The following RIC3 variants were observed in gnomAD, a reference collection of about 807,000 sequenced individuals.
The protein encoded by RIC3 is RIC3 acetylcholine receptor chaperone.
In RIC3, 28 loss-of-function variants were observed where a neutral mutation model predicts 27.3. The ratio of observed to expected loss-of-function variants is 1.02; its 90% CI spans 0.76 to 1.41. RIC3 has a LOEUF of 1.41. Ranked by LOEUF, RIC3 falls within the 40% of genes most tolerant of loss-of-function variation. RIC3 has a pLI of 0.00. For missense variants in RIC3, 501 were observed against 444.7 expected, an observed-to-expected ratio of 1.13 and a Z score of -1.14; for synonymous variants, 184 against 160.4, an observed-to-expected ratio of 1.15 and a Z score of -1.11.
intron 1 of RIC3, among the ~76,000 whole-genome samples, chr11:8,150,014 C>T (rs1950075635): frequency 6.6e-6 from 1 of 152,224 alleles, no homozygotes; most frequent in Non-Finnish European, 1.5e-5. Context: ...ACTCCACTCT[C>T]TGACCACGCT....
rs376042855 is a variant in RIC3, at chr11:8,106,308, C to T, written c.*4390G>A. 5 of 152,080 alleles carry T rather than the reference C, an allele frequency of 3.3e-5. No homozygotes were observed. Among genetic ancestry groups the T allele is most frequent in the African/African-American group, 1.2e-4 (5 of 41,408 alleles). The allele number at this position is 152,080 out of a possible 1,614,324, so 9.4% of individuals were successfully genotyped here. On this transcript the variant is annotated 3_prime_UTR_variant, in exon 6 of 6. Coordinates refer to ENST00000309737, the MANE Select transcript of RIC3 (RefSeq NM_001206671.4). The stretch of plus-strand genomic sequence containing the variant: ...TTTACTTCCTAATTTTTTTCTATAC[C>T]TTTCATTCATTGTTTCCTAGGAGCC...
intron 4 of RIC3, chr11:8,135,948 T>C (rs545711369): frequency 2.6e-5 from 4 of 152,346 alleles, no homozygotes; most frequent in African/African-American, 9.6e-5. Flanking sequence ...ATAAAGCATT[T>C]AGTTCAGAGT....
chr11:8,110,608 GA>G lies in RIC3; in HGVS notation c.*89del. On this transcript the variant is annotated 3_prime_UTR_variant, in exon 6 of 6. Transcript: ENST00000309737. ...AGCTATGACACTTGAACACAGTGAAGAAAGTGCAGGGCACAGGGCCAAGAAG... is the reference window on the plus strand; with the variant it reads ...AGCTATGACACTTGAACACAGTGAAGAAGTGCAGGGCACAGGGCCAAGAAG... 1 of 1,147,536 alleles carries G rather than the reference GA, an allele frequency of 8.7e-7. No individual in the cohort carries two copies. The highest frequency in any genetic ancestry group is 1.7e-5 in the Admixed American group (1 of 59,302). 71.1% of individuals were successfully genotyped at this position (1,147,536 alleles called of 1,614,324 possible).
chr11:8,117,640 T>C (rs1476665253), intron 5 of RIC3, among the ~76,000 whole-genome samples: 1 of 152,180 alleles, frequency 6.6e-6, no homozygotes, highest in East Asian at 1.9e-4. Context: ...ATACAGACTA[T>C]AGTTAATAAC....
the RIC3 span, chr11:8,097,807 A>G: frequency 2.5e-6 from 4 of 1,613,826 alleles, no homozygotes; most frequent in South Asian, 4.4e-5. Context: ...AGGAGGGGAC[A>G]GCTATATCGG....
rs1945105189 is a variant in RIC3 at position 8,110,391 on chromosome 11, C to T, written c.*307G>A. 1 of 443,694 alleles carries T rather than the reference C, an allele frequency of 2.3e-6. No individual in the cohort carries two copies. The highest frequency in any genetic ancestry group is 2.1e-5 in the South Asian group (1 of 47,968). 27.5% of individuals were successfully genotyped at this position (443,694 alleles called of 1,614,324 possible). On this transcript the variant is annotated 3_prime_UTR_variant, in exon 6 of 6. Coordinates refer to ENST00000309737, the MANE Select transcript of RIC3 (RefSeq NM_001206671.4). The stretch of plus-strand genomic sequence containing the variant: ...CCTACCAGGAAGAGTCAGACCTTTG[C>T]CCCTGAGTGGTCCCATCTGTAATTA...
rs757717970 is a variant in RIC3, at chr11:8,162,629, C to CTTTTT, written c.124+6232_124+6236dup. On this transcript the variant is annotated intron_variant, in intron 1 of 5. Coordinates refer to ENST00000309737, the MANE Select transcript of RIC3 (RefSeq NM_001206671.4). The stretch of plus-strand genomic sequence containing the variant: ...GATACTTCAAGGCTCCATGCTTCTT[C>CTTTTT]TTTTTTTTTTTTTTTTTTTTTTTTT... Among the ~76,000 whole-genome samples the CTTTTT allele has an allele frequency of 9.7e-4, 81 of 83,746 alleles. 1 individual carries two copies. Among genetic ancestry groups the CTTTTT allele is most frequent in the East Asian group, 2.1e-3 (5 of 2,398 alleles). 54.9% of individuals were successfully genotyped at this position (83,746 alleles called of 152,430 possible).
the RIC3 span, among the ~76,000 whole-genome samples, chr11:8,095,161 C>G: frequency 6.6e-6 from 1 of 152,188 alleles, no homozygotes; most frequent in Non-Finnish European, 1.5e-5. Flanking sequence ...CTGGCCTTGC[C>G]TATGGTCTGG....
At chr11:8,158,523 A>G (rs1303935494) in intron 1 of RIC3, among the ~76,000 whole-genome samples, 1 of 151,724 alleles carries the variant, frequency 6.6e-6, no homozygotes. Flanking sequence ...TCAGCTGACA[A>G]TGGAACAACT....
At chr11:8,120,254 A>C (rs1946296055) in intron 5 of RIC3, among the ~76,000 whole-genome samples, 1 of 152,226 alleles carries the variant, frequency 6.6e-6, no homozygotes, top group Non-Finnish European at 1.5e-5. Flanking sequence ...CATTTACTGC[A>C]GCACTATTCA....
At chr11:8,100,847 C>T in the RIC3 span, 167 of 1,613,992 alleles carry the variant, frequency 1.0e-4, no homozygotes, top group Middle Eastern at 1.6e-4. Context: ...ACTGCTAGCA[C>T]GCTGGCAGAA....
intron 1 of RIC3, among the ~76,000 whole-genome samples, chr11:8,150,076 C>T (rs371699635): frequency 1.3e-5 from 2 of 152,162 alleles, no homozygotes; most frequent in African/African-American, 4.8e-5. Flanking sequence ...TTTCTCCTTT[C>T]ATAAATATTC....
chr11:8,119,145 TGAGTCTTCA>T (rs1374785976), intron 5 of RIC3, among the ~76,000 whole-genome samples: 1 of 152,200 alleles, frequency 6.6e-6, no homozygotes, highest in Admixed American at 6.5e-5. Flanking sequence ...AAGAAAGCCT[TGAGTCTTCA>T]GATGGGAAGG....
chr11:8,150,617 G>A (rs1343798685), intron 1 of RIC3, among the ~76,000 whole-genome samples: 1 of 152,066 alleles, frequency 6.6e-6, no homozygotes, highest in African/African-American at 2.4e-5. Flanking sequence ...AAGGCTGGAA[G>A]AATATTGTAT....
At chr11:8,097,875 G>A in the RIC3 span, 5 of 1,448,796 alleles carry the variant, frequency 3.5e-6, no homozygotes, top group Non-Finnish European at 4.8e-6. Flanking sequence ...GGAGGGGCAG[G>A]GGCAAGCTGT....
intron 1 of RIC3, chr11:8,153,338 G>A (rs1200532116): frequency 7.3e-6 from 3 of 412,532 alleles, no homozygotes; most frequent in Non-Finnish European, 1.4e-5. Flanking sequence ...AGAGTTTACA[G>A]ACAGGGAGCA....
intron 1 of RIC3, among the ~76,000 whole-genome samples, chr11:8,144,436 T>C (rs367622175): frequency 2.6e-4 from 38 of 143,890 alleles, no homozygotes; most frequent in East Asian, 1.0e-3. Context: ...AAAATGCTCA[T>C]CATCACTGGC....
chr11:8,110,390 GC>G lies in RIC3; in HGVS notation c.*307del. The G allele has an allele frequency of 2.3e-6, 1 of 441,432 alleles. No homozygotes were observed. The highest frequency in any genetic ancestry group is 4.8e-5 in the East Asian group (1 of 20,858). The allele number at this position is 441,432 out of a possible 1,614,324, so 27.3% of individuals were successfully genotyped here. A position where few individuals can be genotyped will look rare whatever the true frequency, so the allele number is the denominator to read the frequency against. On this transcript the variant is annotated 3_prime_UTR_variant, in exon 6 of 6. Transcript: ENST00000309737. ...ACCTACCAGGAAGAGTCAGACCTTT[GC>G]CCCTGAGTGGTCCCATCTGTAATTA...
the RIC3 span, chr11:8,097,511 C>T: frequency 6.4e-7 from 1 of 1,563,264 alleles, no homozygotes; most frequent in Non-Finnish European, 8.8e-7. Flanking sequence ...AGTCTCATAT[C>T]TACCACTGAC....
Sources: gnomAD v4.1 joint callset for allele counts (sites outside exome capture counted in the v4.1 genomes callset) on GRCh38, gnomAD v4.1.1 for gene constraint, MANE v1.5 for transcripts, NCBI Gene and HGNC (gene_info 2026-07-23, HGNC 2026-07-21) for gene names.